The following NPAT variants were observed in gnomAD, a reference collection of about 807,000 sequenced individuals.
NPAT encodes protein NPAT.
A neutral mutation model predicts 130.7 loss-of-function variants in NPAT; 52 were observed. That is an observed-to-expected ratio of 0.40 (90% confidence interval 0.32 to 0.50). The LOEUF is 0.50. Among genes scored for constraint, NPAT ranks in the 20% least tolerant of loss-of-function variants. The pLI, the probability that NPAT is intolerant of heterozygous loss-of-function variation, is 0.68. For missense variants in NPAT, 1,687 were observed against 1,662.6 expected (o/e 1.01, Z -0.26); for synonymous variants, 580 against 584.8 (o/e 0.99, Z 0.12).
At chr11:108,191,322 C>G (rs1388145654) in intron 4 of NPAT, among the ~76,000 whole-genome samples, 1 of 152,050 alleles carries the variant, frequency 6.6e-6, no homozygotes, top group Non-Finnish European at 1.5e-5. Context: ...AAGATGCCAA[C>G]AAACATGGAA....
At position 108,222,308 on chromosome 11, in the gene NPAT, G is replaced by T. The variant is rs143148829; in HGVS notation, c.37+192C>A. ...CCTCGCCACGCAGCCTCTGAAGAGA[G>T]GAGCATCTACATACAAAGAGGCTTA... On this transcript the variant is annotated intron_variant, in intron 1 of 17. Transcript: ENST00000278612. Among the ~76,000 whole-genome samples, 1,122 of 152,260 alleles carry T rather than the reference G, an allele frequency of 7.4e-3. 8 individuals are homozygous for T. The highest frequency in any genetic ancestry group is 0.023 in the African/African-American group (954 of 41,540).
intron 4 of NPAT, among the ~76,000 whole-genome samples, chr11:108,191,024 C>T (rs770299142): frequency 5.3e-5 from 8 of 152,300 alleles, no homozygotes; most frequent in Middle Eastern, 6.8e-3. Flanking sequence ...GCTATGATCA[C>T]ACCACCGCAT....
intron 10 of NPAT, among the ~76,000 whole-genome samples, chr11:108,177,695 A>T (rs2078022144): frequency 1.4e-5 from 2 of 147,986 alleles, no homozygotes; most frequent in African/African-American, 4.9e-5. Flanking sequence ...TATAAATGGA[A>T]ATAAAATCAT....
chr11:108,182,026 T>C (rs1360466353), intron 10 of NPAT, among the ~76,000 whole-genome samples: 7 of 152,190 alleles, frequency 4.6e-5, no homozygotes, highest in Admixed American at 4.6e-4. Flanking sequence ...CAGGTCCTTT[T>C]ACAAGGTTCC....
chr11:108,180,116 CAGG>C (rs2134848569), intron 10 of NPAT, among the ~76,000 whole-genome samples: 1 of 152,196 alleles, frequency 6.6e-6, no homozygotes, highest in South Asian at 2.1e-4. Flanking sequence ...CACTTGAGCC[CAGG>C]AGTTCTAGAT....
chr11:108,195,058 G>A (rs890117301), intron 2 of NPAT, among the ~76,000 whole-genome samples: 16 of 151,992 alleles, frequency 1.1e-4, no homozygotes, highest in Admixed American at 6.6e-4. Context: ...TCTTGACCTC[G>A]CTATCCACTC....
chr11:108,163,285 A>G (rs1972920), intron 15 of NPAT, among the ~76,000 whole-genome samples: 151,784 of 152,148 alleles, frequency 1, 75,710 homozygotes, highest in Middle Eastern at 1. Context: ...TCACTACGTC[A>G]GCCAGGCCAG....
intron 1 of NPAT, among the ~76,000 whole-genome samples, chr11:108,206,826 G>C (rs1374119680): frequency 6.6e-6 from 1 of 152,232 alleles, no homozygotes; most frequent in Admixed American, 6.5e-5. Flanking sequence ...GAGCTTCACT[G>C]AGTGACAGAA....
Position 108,161,321 on chromosome 11 carries a change from T to G in NPAT, c.3765A>C (p.Ser1255=). The change falls in exon 17 of 18, where the codon TCA becomes TCC. Residue 1255 remains serine (S), a synonymous_variant. Coordinates refer to ENST00000278612, the MANE Select transcript of NPAT (RefSeq NM_002519.3). ...CACTACTATCAGCAAGCCTACTTAC[T>G]GAGCTGTGCCTCTGTATATCCTGTA... ...EMLQDIQRHS[S]VSRLADSSDL... is the part of the protein sequence containing the mutation. 1.2e-6 allele frequency: 2 copies of G among 1,614,194 alleles called. No homozygotes were observed. The highest frequency in any genetic ancestry group is 1.7e-6 in the Non-Finnish European group (2 of 1,179,992).
chr11:108,207,546 G>C (rs966765605), intron 1 of NPAT, among the ~76,000 whole-genome samples: 1 of 152,252 alleles, frequency 6.6e-6, no homozygotes, highest in Non-Finnish European at 1.5e-5. Flanking sequence ...AGTCCAGAGG[G>C]GGACCGAGGC....
rs113008189 is a variant in NPAT, at chr11:108,218,524, T to C, written c.37+3976A>G. On this transcript the variant is annotated intron_variant, in intron 1 of 17. Coordinates refer to ENST00000278612, the MANE Select transcript of NPAT (RefSeq NM_002519.3). ...CGTACCTTATGTTGTCTTATATTAC[T>C]AGATCCACAAATAACAGGGACAAGG... is the stretch of plus-strand genomic sequence containing the variant. Among the ~76,000 whole-genome samples the C allele has an allele frequency of 7.4e-3, 1,128 of 152,352 alleles. 8 individuals carry two copies. The highest frequency in any genetic ancestry group is 0.023 in the African/African-American group (957 of 41,574).
intron 10 of NPAT, among the ~76,000 whole-genome samples, chr11:108,179,192 A>G (rs2078036151): frequency 6.6e-6 from 1 of 152,202 alleles, no homozygotes; most frequent in Non-Finnish European, 1.5e-5. Flanking sequence ...ATGAAGTTGG[A>G]TCCTTACCTT....
At chr11:108,168,454 A>C in intron 15 of NPAT, among the ~76,000 whole-genome samples, 1 of 152,216 alleles carries the variant, frequency 6.6e-6, no homozygotes, top group South Asian at 2.1e-4. Flanking sequence ...ATAAGTCAAA[A>C]TGCAACTTAA....
Position 108,169,988 on chromosome 11 carries a change from C to A in NPAT, c.2841G>T (p.Gly947=). The A allele has an allele frequency of 6.2e-7, 1 of 1,613,984 alleles. No homozygotes were observed. The highest frequency in any genetic ancestry group is 2.2e-5 in the East Asian group (1 of 44,864). Residue 947 remains glycine (G), a synonymous_variant, in exon 14 of 18, where the codon GGG becomes GGT. Transcript: ENST00000278612. Reference sequence around the variant, plus strand: ...GTCCAACCACAGATACTGGGATCATCCCTACCATTCCTTGGAGTACAGGCT... The same window carrying A: ...GTCCAACCACAGATACTGGGATCATACCTACCATTCCTTGGAGTACAGGCT... ...PVQPVLQGMV[G]MIPVSVVGQN...
chr11:108,194,422 C>A lies in NPAT; in HGVS notation c.157-405G>T, dbSNP rs948120043. ...GTTTCATTATTATGTTTATTTGTAT[C>A]TTCTTCCTCACACAGTGAGAAATCT... On this transcript the variant is annotated intron_variant, in intron 2 of 17. Transcript: ENST00000278612. Among the ~76,000 whole-genome samples the A allele has an allele frequency of 2.0e-5, 3 of 152,174 alleles. No individual in the cohort carries two copies. The East Asian group carries it at 5.8e-4, about 29-fold the overall frequency.
At chr11:108,214,209 C>T (rs1015989209) in intron 1 of NPAT, among the ~76,000 whole-genome samples, 1 of 152,134 alleles carries the variant, frequency 6.6e-6, no homozygotes, top group South Asian at 2.1e-4. Context: ...TTTTTCATAA[C>T]AGTGTCCATT....
intron 1 of NPAT, among the ~76,000 whole-genome samples, chr11:108,199,932 G>A (rs117487103): frequency 2.0e-5 from 3 of 152,206 alleles, no homozygotes; most frequent in Non-Finnish European, 4.4e-5. Context: ...CATACACAAC[G>A]TTAAGGGTGT....
At chr11:108,199,404 G>A (rs1414096623) in intron 1 of NPAT, among the ~76,000 whole-genome samples, 4 of 152,212 alleles carry the variant, frequency 2.6e-5, no homozygotes, top group Admixed American at 6.5e-5. Context: ...GCCTAGAGGC[G>A]AGCGAGGCCC....
chr11:108,207,275 T>C (rs2078337937), intron 1 of NPAT, among the ~76,000 whole-genome samples: 1 of 152,152 alleles, frequency 6.6e-6, no homozygotes. Flanking sequence ...CATGGGTGGG[T>C]GCAGAAAAAG....
Sources: gnomAD v4.1 joint callset for allele counts (sites outside exome capture counted in the v4.1 genomes callset) on GRCh38, gnomAD v4.1.1 for gene constraint, MANE v1.5 for transcripts, NCBI Gene and HGNC (gene_info 2026-07-23, HGNC 2026-07-21) for gene names.